CCDC158: variants seen among roughly 807,000 people sequenced by gnomAD.
CCDC158 encodes the protein coiled-coil domain containing 158, also known as coiled-coil domain-containing protein 158.
Under a neutral mutation model 138.6 loss-of-function variants are expected in CCDC158, and 116 were observed. The observed-to-expected ratio is 0.84, with a 90% CI of 0.72 to 0.98. The LOEUF (loss-of-function observed/expected upper bound fraction) is 0.98. Ranked by LOEUF, CCDC158 falls within the 50% of genes least tolerant of loss-of-function variation. The probability of loss-of-function intolerance (pLI) is 0.00; values close to 1 mark genes in which losing one functional copy is unlikely to be tolerated. For missense variants in CCDC158, 1,265 were observed against 1,306.1 expected (o/e 0.97, Z 0.48); for synonymous variants, 436 against 442.4 (o/e 0.99, Z 0.18).
At chr4:76,368,044 T>C (rs368318466) in intron 11 of CCDC158, among the ~76,000 whole-genome samples, 4 of 152,204 alleles carry the variant, frequency 2.6e-5, no homozygotes, top group African/African-American at 4.8e-5. Context: ...TCTAGTTAAA[T>C]TAACTCAATC....
intron 22 of CCDC158, among the ~76,000 whole-genome samples, chr4:76,327,657 TA>T (rs1720649349): frequency 6.6e-6 from 1 of 152,198 alleles, no homozygotes; most frequent in South Asian, 2.1e-4. Context: ...ATTATAATCT[TA>T]TGGGACCTCT....
intron 3 of CCDC158, among the ~76,000 whole-genome samples, chr4:76,398,533 T>G (rs1037788915): frequency 3.3e-5 from 5 of 151,706 alleles, no homozygotes; most frequent in Non-Finnish European, 7.4e-5. Flanking sequence ...CCAGGTGTGG[T>G]GGTGTGTGCC....
At chr4:76,379,228 A>T in intron 9 of CCDC158, 62 bp downstream of exon 9, 1 of 852,952 alleles carries the variant, frequency 1.2e-6, no homozygotes, top group Non-Finnish European at 1.8e-6. Context: ...AACTATTACT[A>T]ATATAATATT....
intron 9 of CCDC158, among the ~76,000 whole-genome samples, chr4:76,374,418 G>A (rs970731282): frequency 6.6e-6 from 1 of 152,180 alleles, no homozygotes; most frequent in Non-Finnish European, 1.5e-5. Context: ...ATGGGTACAT[G>A]AACATGATCC....
chr4:76,379,602 T>C (rs1266375367), intron 8 of CCDC158, among the ~76,000 whole-genome samples, 198 bp from the exon 9 acceptor site: 2 of 152,238 alleles, frequency 1.3e-5, no homozygotes, highest in Non-Finnish European at 2.9e-5. Context: ...GGGTGACAGC[T>C]GTATGGGAGT....
chr4:76,392,675 A>G (rs527551644), intron 4 of CCDC158, among the ~76,000 whole-genome samples: 17 of 152,150 alleles, frequency 1.1e-4, no homozygotes, highest in Non-Finnish European at 2.4e-4. Context: ...GGACATCCAA[A>G]TTGGAATGGA....
At chr4:76,388,124 T>C (rs1726989776) in intron 4 of CCDC158, among the ~76,000 whole-genome samples, 1 of 152,168 alleles carries the variant, frequency 6.6e-6, no homozygotes, top group South Asian at 2.1e-4. Flanking sequence ...ATGTGCTGGC[T>C]TCCGGGGTGA....
rs1370447229 is a variant in CCDC158 at position 76,403,221 on chromosome 4, A to G, written c.-14T>C. 6.4e-7 allele frequency: 1 copy of G among 1,551,422 alleles called. No homozygotes were observed. The highest frequency in any genetic ancestry group is 8.9e-7 in the Non-Finnish European group (1 of 1,129,924). ...TTTTGATTCCATATTAAATATTGCT[A>G]CTTCTTATTAGAGATCTTGAAGTAT... On this transcript the variant is annotated 5_prime_UTR_variant, in exon 3 of 25. Coordinates refer to ENST00000682701, the MANE Select transcript of CCDC158 (RefSeq NM_001394954.1).
chr4:76,417,899 G>A (rs1345559526), intron 1 of CCDC158, among the ~76,000 whole-genome samples: 1 of 152,184 alleles, frequency 6.6e-6, no homozygotes, highest in Non-Finnish European at 1.5e-5. Context: ...GAAGGCTAAT[G>A]AGGCTGCAGG....
At chr4:76,394,897 A>G (rs9996666) in intron 4 of CCDC158, among the ~76,000 whole-genome samples, 4,462 of 152,194 alleles carry the variant, frequency 0.029, 215 homozygotes, top group African/African-American at 0.1. Flanking sequence ...ATCTAGACTG[A>G]GCAAAAGGTC....
At chr4:76,356,094 C>A (rs1251469134) in intron 14 of CCDC158, among the ~76,000 whole-genome samples, 1 of 151,934 alleles carries the variant, frequency 6.6e-6, no homozygotes, top group Non-Finnish European at 1.5e-5. Context: ...ATTGAAAATG[C>A]CACAGCTTTG....
intron 18 of CCDC158, among the ~76,000 whole-genome samples, chr4:76,348,227 A>T (rs1261163515): frequency 4.0e-5 from 6 of 149,234 alleles, no homozygotes; most frequent in Non-Finnish European, 7.4e-5. Context: ...GATCGAGACC[A>T]TCCTGGCTAA....
intron 21 of CCDC158, 65 bp from the exon 22 acceptor site, chr4:76,329,032 T>TAG (rs1720782684): frequency 3.8e-6 from 5 of 1,298,908 alleles, no homozygotes; most frequent in East Asian, 2.3e-5. Context: ...GATTCATAGA[T>TAG]AGAAGCAAGT....
chr4:76,355,294 G>T (rs780929460), intron 15 of CCDC158, 30 bp downstream of exon 15: 6 of 1,389,676 alleles, frequency 4.3e-6, no homozygotes, highest in Non-Finnish European at 6.2e-6. Context: ...TGAACATGTT[G>T]GTTTCCCCAC....
At chr4:76,393,325 T>C (rs1727478443) in intron 4 of CCDC158, among the ~76,000 whole-genome samples, 1 of 151,772 alleles carries the variant, frequency 6.6e-6, no homozygotes, top group South Asian at 2.1e-4. Context: ...CAGAAATGAA[T>C]CCACTCACAT....
Position 76,379,373 on chromosome 4 carries a change from T to C in CCDC158, c.946A>G (p.Met316Val). The C allele has an allele frequency of 6.2e-7, 1 of 1,606,648 alleles. No homozygotes were observed. Among genetic ancestry groups the C allele is most frequent in the Non-Finnish European group, 8.5e-7 (1 of 1,177,526 alleles). The change falls in exon 9 of 25, where the codon ATG becomes GTG. Residue 316 changes from methionine (M) to valine (V), a missense_variant. Transcript: ENST00000682701. The stretch of plus-strand genomic sequence containing the variant: ...GATTCCAGATCGCTGAGCTGACGCA[T>C]ATACATAGAGTTTTGGTTTCTTGCT... ...EQARNQNSMY[M>V]RQLSDLESTV... is the part of the protein sequence containing the mutation.
At chr4:76,356,863 T>G (rs1723620342) in intron 14 of CCDC158, 1 of 152,218 alleles carries the variant, frequency 6.6e-6, no homozygotes, top group Admixed American at 6.5e-5. Flanking sequence ...TCTTTATCTC[T>G]CTGCATTAGT....
Position 76,389,428 on chromosome 4 carries a change from AAAAAG to A in CCDC158, c.289-4768_289-4764del, listed in dbSNP as rs750515940. Among the ~76,000 whole-genome samples the A allele has an allele frequency of 2.0e-5, 3 of 152,212 alleles. No individual in the cohort carries two copies. In the East Asian group the frequency reaches 5.8e-4, roughly 29 times the overall value. On this transcript the variant is annotated intron_variant, in intron 4 of 24. Transcript: ENST00000682701. ...ATATACAGTCAGAGGAAACAAAAGA[AAAAAG>A]AAAAGAAAACAATGAAGCACACCTA...
At chr4:76,390,677 G>A (rs189130579) in intron 4 of CCDC158, among the ~76,000 whole-genome samples, 1 of 152,032 alleles carries the variant, frequency 6.6e-6, no homozygotes, top group Non-Finnish European at 1.5e-5. Flanking sequence ...CTAATCAAAA[G>A]ACATAGAGTG....
Sources: allele counts gnomAD v4.1 joint callset (sites outside exome capture counted in the v4.1 genomes callset), GRCh38; gene constraint gnomAD v4.1.1; transcripts MANE v1.5; gene names NCBI Gene and HGNC (gene_info 2026-07-23, HGNC 2026-07-21).